Variants in ZNF532 observed in about 807,000 individuals in gnomAD.
The protein encoded by ZNF532 is zinc finger protein 532.
Under a neutral mutation model 89.3 loss-of-function variants are expected in ZNF532, and 22 were observed. The ratio of observed to expected loss-of-function variants is 0.25; its 90% CI spans 0.18 to 0.35. ZNF532 has a LOEUF of 0.35. Among genes scored for constraint, ZNF532 ranks in the 10% least tolerant of loss-of-function variants. ZNF532 has a pLI of 1.00. For synonymous variants in ZNF532, 606 were observed against 649.6 expected (o/e 0.93, Z 1.02); for missense variants, 1,132 against 1,643.4 (o/e 0.69, Z 5.38).
intron 3 of ZNF532, among the ~76,000 whole-genome samples, chr18:58,923,449 G>A (rs940761022): frequency 1.3e-5 from 2 of 151,892 alleles, no homozygotes; most frequent in Admixed American, 6.6e-5. Context: ...CAGCATTCAT[G>A]GTTTAACCCA....
intron 2 of ZNF532, among the ~76,000 whole-genome samples, chr18:58,869,494 G>T (rs538619581): frequency 1.1e-3 from 163 of 152,270 alleles, no homozygotes; most frequent in Middle Eastern, 6.8e-3. Flanking sequence ...TTACATTCAG[G>T]TTCAATAAAA....
intron 7 of ZNF532, among the ~76,000 whole-genome samples, chr18:58,971,539 G>T (rs956270552): frequency 6.6e-6 from 1 of 152,302 alleles, no homozygotes; most frequent in South Asian, 2.1e-4. Flanking sequence ...GGGCAGAGTT[G>T]AGTAGTTGCA....
Position 58,972,699 on chromosome 18 carries a change from C to T in ZNF532, c.3151-6356C>T, listed in dbSNP as rs114961247. On this transcript the variant is annotated intron_variant, in intron 7 of 9. Coordinates refer to ENST00000591808, the MANE Select transcript of ZNF532 (RefSeq NM_001375912.1). ...TCTCCCTGCTCATTCATTCATCGCT[C>T]GCCTCTATCCTCAGTCTCTTCATTT... Among the ~76,000 whole-genome samples the T allele has an allele frequency of 6.6e-3, 1,005 of 152,188 alleles. 15 individuals are homozygous for T. The highest frequency in any genetic ancestry group is 0.018 in the African/African-American group (763 of 41,526).
intron 2 of ZNF532, among the ~76,000 whole-genome samples, chr18:58,899,122 G>A (rs545561767): frequency 9.8e-5 from 15 of 152,326 alleles, no homozygotes; most frequent in Middle Eastern, 3.4e-3. Flanking sequence ...CGGACACAGC[G>A]AGTCCGTGTG....
chr18:58,945,021 A>G (rs2063530705), intron 5 of ZNF532, among the ~76,000 whole-genome samples: 1 of 152,172 alleles, frequency 6.6e-6, no homozygotes, highest in Admixed American at 6.5e-5. Flanking sequence ...TTACAATACC[A>G]TCCAATTCAT....
rs773700776 is a variant in ZNF532 at position 58,979,090 on chromosome 18, G to C, written c.3186G>C (p.Lys1062Asn). Residue 1062 changes from lysine to asparagine, a missense_variant, in exon 8 of 10, where the codon AAG (lysine) becomes AAC (asparagine). Transcript: ENST00000591808. ...MKKHPCRQCD[K>N]SFSSSHSLCR... is the part of the protein sequence containing the mutation. ...AACACCCCTGCCGCCAGTGTGACAA[G>C]TCTTTCAGCTCGTCCCACAGCCTGT... The C allele has an allele frequency of 3.1e-6, 5 of 1,613,030 alleles. No homozygotes were observed. In the Middle Eastern group the frequency reaches 6.6e-4, roughly 214 times the overall value.
At chr18:58,871,038 T>A (rs998325581) in intron 2 of ZNF532, among the ~76,000 whole-genome samples, 7 of 151,968 alleles carry the variant, frequency 4.6e-5, no homozygotes, top group African/African-American at 1.7e-4. Context: ...TTAAAAGGGG[T>A]TGGGTTTGGG....
chr18:58,920,566 A>T lies in ZNF532; in HGVS notation c.2279A>T (p.Asn760Ile), dbSNP rs768014991. 6.2e-7 allele frequency: 1 copy of T among 1,611,528 alleles called. No individual in the cohort carries two copies. ...CATAGTCTAAAATGTTTGGAGTGTAATGAAGTCTTCCAGGACGAGACATCA... is the reference window on the plus strand; with the variant it reads ...CATAGTCTAAAATGTTTGGAGTGTATTGAAGTCTTCCAGGACGAGACATCA... ...CRHSLKCLEC[N>I]EVFQDETSLA... Residue 760 changes from asparagine (N) to isoleucine (I), a missense_variant, in exon 3 of 10, where the codon AAT becomes ATT. Physicochemically the swap from Asn to Ile is moderately radical, Grantham distance 149 (BLOSUM62 -3). Around this residue, in one of 9 missense-constraint regions of ZNF532, gnomAD observed 100 missense variants for 122.0 expected, o/e 0.82. Transcript: ENST00000591808.
chr18:58,945,096 T>C (rs2146830610), intron 5 of ZNF532, among the ~76,000 whole-genome samples: 2 of 152,370 alleles, frequency 1.3e-5, no homozygotes, highest in Middle Eastern at 3.4e-3. Context: ...CGAGATCTTA[T>C]CTGGGTGTAC....
chr18:58,873,446 AT>A (rs796837430), intron 2 of ZNF532, among the ~76,000 whole-genome samples: 30 of 146,512 alleles, frequency 2.0e-4, no homozygotes, highest in East Asian at 2.0e-4. Flanking sequence ...GATTTTGCTG[AT>A]TTTTTTTTTT....
intron 2 of ZNF532, among the ~76,000 whole-genome samples, chr18:58,893,513 G>A (rs1039289465): frequency 9.9e-5 from 15 of 151,990 alleles, no homozygotes; most frequent in Middle Eastern, 3.4e-3. Flanking sequence ...AATATTAGCC[G>A]GGTGTGGTGG....
intron 5 of ZNF532, among the ~76,000 whole-genome samples, chr18:58,941,984 C>CTTCCTTCCCT (rs1555739624): frequency 7.4e-6 from 1 of 135,212 alleles, no homozygotes; most frequent in Admixed American, 7.4e-5. Flanking sequence ...CCCTCCTTCC[C>CTTCCTTCCCT]TCCTTCCCTT....
At chr18:58,981,033 A>C (rs563014380) in intron 8 of ZNF532, 1 of 169,588 alleles carries the variant, frequency 5.9e-6, no homozygotes, top group Admixed American at 5.6e-5. Context: ...CTTATCATCT[A>C]CTGAGTGACC....
intron 2 of ZNF532, among the ~76,000 whole-genome samples, chr18:58,872,438 C>T (rs2057064466): frequency 3.9e-5 from 6 of 152,156 alleles, no homozygotes; most frequent in Admixed American, 3.9e-4. Flanking sequence ...GGAACAAATT[C>T]TTTCTAGGGA....
chr18:58,974,141 A>G (rs541505791), intron 7 of ZNF532, among the ~76,000 whole-genome samples: 16 of 152,050 alleles, frequency 1.1e-4, no homozygotes, highest in African/African-American at 3.9e-4. Context: ...TTGCGGTAAA[A>G]TTTTTTTTGG....
intron 2 of ZNF532, among the ~76,000 whole-genome samples, chr18:58,869,460 C>T (rs1479934844): frequency 6.6e-6 from 1 of 152,108 alleles, no homozygotes; most frequent in Non-Finnish European, 1.5e-5. Context: ...TTAATCTCTT[C>T]GGAAACATTT....
intron 8 of ZNF532, chr18:58,980,483 C>T (rs2067626843): frequency 6.6e-6 from 1 of 152,186 alleles, no homozygotes; most frequent in South Asian, 2.1e-4. Flanking sequence ...CTGCAAGTGT[C>T]TCTAATGTGA....
At chr18:58,910,803 C>T (rs1262855557) in intron 2 of ZNF532, among the ~76,000 whole-genome samples, 3 of 151,894 alleles carry the variant, frequency 2.0e-5, no homozygotes, top group Non-Finnish European at 4.4e-5. Flanking sequence ...GACAGATGCA[C>T]AGAAACATGT....
intron 2 of ZNF532, among the ~76,000 whole-genome samples, chr18:58,898,838 A>AC (rs1221411318): frequency 6.6e-6 from 1 of 152,180 alleles, no homozygotes; most frequent in African/African-American, 2.4e-5. Flanking sequence ...AGGGGCTGTG[A>AC]CCTGCACATA....
Sources: allele counts gnomAD v4.1 joint callset (sites outside exome capture counted in the v4.1 genomes callset), GRCh38; gene constraint gnomAD v4.1.1; regional missense constraint gnomAD v4.1.1; transcripts MANE v1.5; gene names NCBI Gene and HGNC (gene_info 2026-07-23, HGNC 2026-07-21).